The following ERICH5 variants were observed in gnomAD, a reference collection of about 807,000 sequenced individuals.
The protein encoded by ERICH5 is glutamate rich 5, also known as glutamate-rich protein 5.
In ERICH5, 24 loss-of-function variants were observed where a neutral mutation model predicts 28.0. That is an observed-to-expected ratio of 0.86 (90% CI 0.62 to 1.21). ERICH5 has a LOEUF of 1.21. Among genes scored for constraint, ERICH5 ranks in the 50% most tolerant of loss-of-function variants. ERICH5 has a pLI of 0.00. For synonymous variants in ERICH5, 163 were observed against 157.6 expected (o/e 1.03, Z -0.25); for missense variants, 421 against 441.2 (o/e 0.95, Z 0.41).
intron 1 of ERICH5, among the ~76,000 whole-genome samples, chr8:98,087,442 G>A (rs1815302418): frequency 6.7e-6 from 1 of 148,540 alleles, no homozygotes; most frequent in African/African-American, 2.6e-5. Flanking sequence ...GTAACTTAGA[G>A]GGAAAAAAGA....
In ERICH5 at chr8:98,089,350, G is replaced by A; in HGVS notation, c.333G>A (p.Glu111=). The change falls in exon 2 of 3, where the codon GAG becomes GAA. Residue 111 remains glutamate, a synonymous_variant. Transcript: ENST00000318528. ...AGACTCAGCCTGGAGAGGGACTGGA[G>A]GAATCTGGGCCGCCTCAACCAGGTG... ...TEKTQPGEGL[E]ESGPPQPGGK... is the part of the protein sequence containing the mutation. The A allele has an allele frequency of 1.2e-6, 2 of 1,614,252 alleles. No homozygotes were observed. Among genetic ancestry groups the A allele is most frequent in the South Asian group, 2.2e-5 (2 of 91,086 alleles).
chr8:98,069,962 C>G (rs1814882096), intron 1 of ERICH5, among the ~76,000 whole-genome samples: 1 of 152,328 alleles, frequency 6.6e-6, no homozygotes, highest in East Asian at 1.9e-4. Context: ...AGTTTGTGAT[C>G]TTATTTAATC....
Position 98,089,685 on chromosome 8 carries a change from A to G in ERICH5, c.668A>G (p.Lys223Arg), listed in dbSNP as rs761120120. ...EQAPLLETISKENESPEILEG... is the reference protein window; with the variant it reads ...EQAPLLETISRENESPEILEG... ...GCCCCGCTTCTAGAAACAATTTCCA[A>G]AGAGAATGAATCTCCAGAAATATTG... is the stretch of plus-strand genomic sequence containing the variant. Residue 223 changes from lysine (K) to arginine (R), a missense_variant, in exon 2 of 3, where the codon AAA (lysine) becomes AGA (arginine). By Grantham distance (26) the Lys-to-Arg change is conservative. Transcript: ENST00000318528. The G allele has an allele frequency of 1.2e-5, 19 of 1,614,026 alleles. No homozygotes were observed. Among genetic ancestry groups the G allele is most frequent in the Non-Finnish European group, 1.6e-5 (19 of 1,180,032 alleles).
chr8:98,065,975 C>A (rs1434491942), intron 1 of ERICH5, among the ~76,000 whole-genome samples: 1 of 152,100 alleles, frequency 6.6e-6, no homozygotes, highest in African/African-American at 2.4e-5. Flanking sequence ...GAATTTATTT[C>A]TAGTTTCCAT....
At chr8:98,073,195 C>T (rs994535834) in intron 1 of ERICH5, among the ~76,000 whole-genome samples, 13 of 151,660 alleles carry the variant, frequency 8.6e-5, no homozygotes, top group African/African-American at 3.2e-4. Context: ...CTGACCCTCT[C>T]CATGCTGCTT....
chr8:98,079,693 C>T (rs1005460155), intron 1 of ERICH5, among the ~76,000 whole-genome samples: 3 of 152,160 alleles, frequency 2.0e-5, no homozygotes, highest in Non-Finnish European at 4.4e-5. Context: ...GCATCCACCA[C>T]CAGCCCGGCT....
chr8:98,092,791 T>C (rs956461822), intron 2 of ERICH5, among the ~76,000 whole-genome samples: 57 of 151,858 alleles, frequency 3.8e-4, no homozygotes, highest in Non-Finnish European at 6.5e-4. Flanking sequence ...TTTTTTTTTT[T>C]TTGAGACAGA....
chr8:98,082,686 A>G (rs1274638867), intron 1 of ERICH5, among the ~76,000 whole-genome samples: 1 of 151,900 alleles, frequency 6.6e-6, no homozygotes, highest in Non-Finnish European at 1.5e-5. Context: ...GGCCTGGGCA[A>G]CATAGAGAGA....
At chr8:98,082,215 CA>C (rs921765957) in intron 1 of ERICH5, among the ~76,000 whole-genome samples, 44 of 151,874 alleles carry the variant, frequency 2.9e-4, no homozygotes, top group Admixed American at 1.6e-3. Context: ...TGGGCTACCA[CA>C]AAAAAAATAT....
chr8:98,070,378 C>T (rs555113239), intron 1 of ERICH5, among the ~76,000 whole-genome samples: 1 of 150,512 alleles, frequency 6.6e-6, no homozygotes, highest in East Asian at 2.0e-4. Flanking sequence ...AAAAAGAGGC[C>T]GGGCGCAGTG....
At chr8:98,082,782 G>T (rs1364278491) in intron 1 of ERICH5, among the ~76,000 whole-genome samples, 1 of 152,182 alleles carries the variant, frequency 6.6e-6, no homozygotes, top group Non-Finnish European at 1.5e-5. Flanking sequence ...AAGGTGGCAG[G>T]ATCACTTGAA....
intron 1 of ERICH5, among the ~76,000 whole-genome samples, chr8:98,075,315 T>G (rs886342766): frequency 6.6e-6 from 1 of 152,236 alleles, no homozygotes; most frequent in African/African-American, 2.4e-5. Flanking sequence ...ACCTACTTCC[T>G]AAGTTGCAGC....
chr8:98,068,135 G>A (rs1392248566), intron 1 of ERICH5, among the ~76,000 whole-genome samples: 1 of 152,114 alleles, frequency 6.6e-6, no homozygotes, highest in Admixed American at 6.5e-5. Context: ...GGGATTACAG[G>A]TATGAGCCAC....
In ERICH5 at chr8:98,089,455, T is replaced by C; in HGVS notation, c.438T>C (p.Asn146=). The C allele has an allele frequency of 6.2e-7, 1 of 1,614,160 alleles. No homozygotes were observed. The highest frequency in any genetic ancestry group is 8.5e-7 in the Non-Finnish European group (1 of 1,180,042). The change falls in exon 2 of 3, where the codon AAT becomes AAC. Residue 146 remains asparagine, a synonymous_variant. Coordinates refer to ENST00000318528, the MANE Select transcript of ERICH5 (RefSeq NM_173549.3). ...AGTEAESLKG[N]AEAQPLGPEA... Reference sequence around the variant, plus strand: ...CAGAGGCCGAGTCTCTAAAAGGAAATGCTGAAGCTCAGCCTTTAGGACCAG... The same window carrying C: ...CAGAGGCCGAGTCTCTAAAAGGAAACGCTGAAGCTCAGCCTTTAGGACCAG...
In ERICH5 at chr8:98,074,139, C is replaced by T. The variant is rs76491459; in HGVS notation, c.58+9412C>T. On this transcript the variant is annotated intron_variant, in intron 1 of 2. Coordinates refer to ENST00000318528, the MANE Select transcript of ERICH5 (RefSeq NM_173549.3). ...CCCTAATTGCTGGACTCAAGGTATC[C>T]GCCTGCCTCAGCCTCCCAAAGTGCT... 2.0e-3 allele frequency among the ~76,000 whole-genome samples: 300 copies of T among 151,938 alleles called. 1 individual carries two copies. Among genetic ancestry groups the T allele is most frequent in the Admixed American group, 5.5e-3 (84 of 15,252 alleles).
At chr8:98,077,275 A>G (rs1204413850) in intron 1 of ERICH5, among the ~76,000 whole-genome samples, 1 of 152,128 alleles carries the variant, frequency 6.6e-6, no homozygotes, top group African/African-American at 2.4e-5. Context: ...GGCAAGTCCT[A>G]TTTGGGTTGG....
rs1438399479 is a variant in ERICH5, at chr8:98,091,836, T to TTCTC, written c.1013-1384_1013-1383insCTCT. Among the ~76,000 whole-genome samples, 11 of 107,302 alleles carry TTCTC rather than the reference T, an allele frequency of 1.0e-4. No homozygotes were observed. The East Asian group carries it at 1.4e-3, about 14-fold the overall frequency. 70.4% of individuals were successfully genotyped at this position (107,302 alleles called of 152,430 possible). ...AGACTTTCTTTTTCTTTCTTTTTCTTTTTCTTTCTTTCTTTCTTTCTTTCT... is the reference window on the plus strand; with the variant it reads ...AGACTTTCTTTTTCTTTCTTTTTCTTTCTCTTTCTTTCTTTCTTTCTTTCTTTCT... On this transcript the variant is annotated intron_variant, in intron 2 of 2. Transcript: ENST00000318528.
intron 1 of ERICH5, among the ~76,000 whole-genome samples, chr8:98,068,224 A>C (rs1375633155): frequency 6.6e-6 from 1 of 152,106 alleles, no homozygotes; most frequent in Non-Finnish European, 1.5e-5. Flanking sequence ...GGAATAATCT[A>C]TTCTACTGAT....
intron 1 of ERICH5, among the ~76,000 whole-genome samples, chr8:98,068,651 C>A (rs1174365764): frequency 1.3e-5 from 2 of 152,176 alleles, no homozygotes; most frequent in African/African-American, 4.8e-5. Context: ...CGTTCACATC[C>A]AAACCCTCCT....
Sources: allele counts gnomAD v4.1 joint callset (sites outside exome capture counted in the v4.1 genomes callset), GRCh38; gene constraint gnomAD v4.1.1; transcripts MANE v1.5; gene names NCBI Gene and HGNC (gene_info 2026-07-23, HGNC 2026-07-21).